The following CRISPLD1 variants were observed in gnomAD, a reference collection of about 807,000 sequenced individuals.
CRISPLD1 encodes the protein cysteine rich secretory protein LCCL domain containing 1.
A neutral mutation model predicts 77.5 loss-of-function variants in CRISPLD1; 60 were observed. The ratio of observed to expected loss-of-function variants is 0.77; its 90% CI spans 0.63 to 0.96. The LOEUF (loss-of-function observed/expected upper bound fraction) is 0.96. Ranked by LOEUF, CRISPLD1 falls within the 40% of genes least tolerant of loss-of-function variation. The pLI, the probability that CRISPLD1 is intolerant of heterozygous loss-of-function variation, is 0.00. For missense variants in CRISPLD1, 623 were observed against 615.8 expected (o/e 1.01, Z -0.12); for synonymous variants, 195 against 200.1 (o/e 0.97, Z 0.22).
In CRISPLD1 at chr8:75,000,118, A is replaced by G. The variant is rs772874132; in HGVS notation, c.259-12315A>G. On this transcript the variant is annotated intron_variant, in intron 2 of 14. Coordinates refer to ENST00000262207, the MANE Select transcript of CRISPLD1 (RefSeq NM_031461.6). ...TTACTGTTTCTGGAATGTCCCCTGT[A>G]TGTCATAGCAACTCAAACAATACAA... 1.3e-5 allele frequency: 13 copies of G among 984,378 alleles called. No homozygotes were observed. In the South Asian group the frequency reaches 4.2e-4, roughly 32 times the overall value. 61.0% of individuals were successfully genotyped at this position (984,378 alleles called of 1,614,324 possible). A position where few individuals can be genotyped will look rare whatever the true frequency, so the allele number is the denominator to read the frequency against.
At chr8:75,002,500 AT>A (rs773431438) in intron 2 of CRISPLD1, among the ~76,000 whole-genome samples, 27 of 149,380 alleles carry the variant, frequency 1.8e-4, no homozygotes, top group Non-Finnish European at 3.0e-4. Flanking sequence ...AAAAAAAAAA[AT>A]AATAATAATG....
intron 2 of CRISPLD1, among the ~76,000 whole-genome samples, chr8:74,998,189 G>A (rs1812674057): frequency 6.6e-6 from 1 of 152,162 alleles, no homozygotes; most frequent in African/African-American, 2.4e-5. Flanking sequence ...AGGGAATTAT[G>A]TGAAAGCTTC....
At chr8:75,019,936 T>G in intron 11 of CRISPLD1, 23 bp downstream of exon 11, 1 of 1,612,054 alleles carries the variant, frequency 6.2e-7, no homozygotes, top group Middle Eastern at 1.7e-4. Context: ...TTCATCTTAT[T>G]TTCTTAGTAC....
intron 2 of CRISPLD1, among the ~76,000 whole-genome samples, chr8:74,995,503 G>A (rs1029751644): frequency 3.9e-5 from 6 of 152,152 alleles, no homozygotes. Context: ...TTTTGAGTCA[G>A]GGTCTCTGTC....
intron 2 of CRISPLD1, 103 bp downstream of exon 2, chr8:74,986,348 GA>G (rs1360547521): frequency 4.9e-6 from 6 of 1,218,946 alleles, no homozygotes; most frequent in Non-Finnish European, 6.9e-6. Context: ...ATATGAAGTT[GA>G]AAAAAGATTT....
intron 2 of CRISPLD1, among the ~76,000 whole-genome samples, chr8:75,010,862 A>G (rs138924339): frequency 2.0e-4 from 31 of 152,104 alleles, no homozygotes; most frequent in African/African-American, 7.5e-4. Context: ...TTCAAGATTC[A>G]TATCCTCAGA....
intron 2 of CRISPLD1, among the ~76,000 whole-genome samples, chr8:74,998,180 G>A (rs970232181): frequency 1.3e-5 from 2 of 152,102 alleles, no homozygotes; most frequent in African/African-American, 4.8e-5. Flanking sequence ...GAAAACAGAA[G>A]GGAATTATGT....
chr8:75,003,910 G>A (rs933251189), intron 2 of CRISPLD1, among the ~76,000 whole-genome samples: 5 of 152,054 alleles, frequency 3.3e-5, no homozygotes, highest in Non-Finnish European at 7.4e-5. Flanking sequence ...TGCATCTGAT[G>A]TAATATTAAA....
chr8:75,022,382 C>T (rs922524854), intron 12 of CRISPLD1, among the ~76,000 whole-genome samples: 5 of 151,648 alleles, frequency 3.3e-5, no homozygotes, highest in Non-Finnish European at 5.9e-5. Context: ...GTCAGGAGAT[C>T]GAGACCATCC....
intron 2 of CRISPLD1, among the ~76,000 whole-genome samples, chr8:75,002,228 A>G (rs777013472): frequency 6.6e-6 from 1 of 151,728 alleles, no homozygotes; most frequent in South Asian, 2.1e-4. Context: ...CAGTCATTCA[A>G]AATTTTGAAT....
At chr8:75,003,118 C>T (rs1812773976) in intron 2 of CRISPLD1, among the ~76,000 whole-genome samples, 1 of 152,148 alleles carries the variant, frequency 6.6e-6, no homozygotes, top group African/African-American at 2.4e-5. Context: ...AGCAATTTAT[C>T]ATTCTTGAGG....
chr8:75,018,836 C>T (rs894237172), intron 10 of CRISPLD1, among the ~76,000 whole-genome samples: 2 of 152,158 alleles, frequency 1.3e-5, no homozygotes, highest in Non-Finnish European at 2.9e-5. Context: ...AAGTGATCCA[C>T]CAGCCTCAGC....
intron 2 of CRISPLD1, among the ~76,000 whole-genome samples, chr8:75,001,694 C>A (rs1812744794): frequency 6.6e-6 from 1 of 152,094 alleles, no homozygotes; most frequent in Non-Finnish European, 1.5e-5. Context: ...GAGGAAATGG[C>A]AGTCACAATC....
intron 14 of CRISPLD1, among the ~76,000 whole-genome samples, chr8:75,031,285 C>T (rs2128789788): frequency 6.6e-6 from 1 of 152,096 alleles, no homozygotes; most frequent in African/African-American, 2.4e-5. Context: ...ACATAGTTCA[C>T]TTTGTCTCTT....
intron 2 of CRISPLD1, among the ~76,000 whole-genome samples, chr8:74,993,929 G>T (rs1046931179): frequency 3.9e-5 from 6 of 152,330 alleles, no homozygotes; most frequent in African/African-American, 1.2e-4. Flanking sequence ...CAGACAGAGG[G>T]AGCATGAGAA....
At position 75,016,874 on chromosome 8, in the gene CRISPLD1, T is replaced by C. The variant is rs1178277816; in HGVS notation, c.869-7T>C. On this transcript the variant is annotated splice_polypyrimidine_tract_variant and splice_region_variant and intron_variant, in intron 7 of 14. Transcript: ENST00000262207. ...TTTAAGTTATTTAGGTATTTTTTTC[T>C]TTGTAGCCCAAATTGTTTCTTGTGA... The C allele has an allele frequency of 1.3e-6, 2 of 1,564,152 alleles. No individual in the cohort carries two copies. The highest frequency in any genetic ancestry group is 1.7e-6 in the Non-Finnish European group (2 of 1,153,626).
Position 75,029,489 on chromosome 8 carries a change from T to G in CRISPLD1, c.1423T>G (p.Ser475Ala), listed in dbSNP as rs768234288. The G allele has an allele frequency of 1.1e-5, 17 of 1,613,682 alleles. No individual in the cohort carries two copies. Among genetic ancestry groups the G allele is most frequent in the East Asian group, 2.2e-5 (1 of 44,894 alleles). ...GGACAAAAGAAAGACCTACATTGCT[T>G]CTTTTCAGAATGGAATCTTCTCAGA... ...PVDKRKTYIA[S>A]FQNGIFSESL... is the part of the protein sequence containing the mutation. The change falls in exon 14 of 15, where the codon TCT becomes GCT. Residue 475 changes from serine to alanine, a missense_variant. Physicochemically the swap from Ser to Ala is moderately conservative, Grantham distance 99. Transcript: ENST00000262207.
intron 2 of CRISPLD1, among the ~76,000 whole-genome samples, chr8:75,010,399 A>T (rs1812908822): frequency 6.6e-6 from 1 of 152,264 alleles, no homozygotes; most frequent in East Asian, 1.9e-4. Flanking sequence ...AATCAAAGCA[A>T]GTGAACAAAT....
At chr8:75,013,180 A>G (rs966680505) in intron 4 of CRISPLD1, among the ~76,000 whole-genome samples, 158 bp downstream of exon 4, 12 of 152,136 alleles carry the variant, frequency 7.9e-5, no homozygotes, top group African/African-American at 2.4e-4. Context: ...AGTTCTATAA[A>G]CAATGAAAAT....
Sources: gnomAD v4.1 joint callset for allele counts (sites outside exome capture counted in the v4.1 genomes callset) on GRCh38, gnomAD v4.1.1 for gene constraint, MANE v1.5 for transcripts, NCBI Gene and HGNC (gene_info 2026-07-23, HGNC 2026-07-21) for gene names.